The following LTV1 variants were observed in gnomAD, a reference collection of about 807,000 sequenced individuals.
LTV1 encodes the protein protein LTV1 homolog.
LTV1 carries 39 observed loss-of-function variants against 59.9 expected under a neutral mutation model. That is an observed-to-expected ratio of 0.65 (90% CI 0.50 to 0.85). LTV1 has a LOEUF of 0.85. LTV1 is among the 40% of genes least tolerant of loss of function. The probability of loss-of-function intolerance (pLI) is 0.00; values close to 1 mark genes in which losing one functional copy is unlikely to be tolerated. For synonymous variants in LTV1, 171 were observed against 189.5 expected (o/e 0.90, Z 0.80); for missense variants, 493 against 549.1 (o/e 0.90, Z 1.02).
intron 4 of LTV1, among the ~76,000 whole-genome samples, chr6:143,854,190 G>T (rs1582939004): frequency 6.6e-6 from 1 of 152,128 alleles, no homozygotes; most frequent in East Asian, 1.9e-4. Flanking sequence ...GGGTGTATGT[G>T]TCCAGGAATT....
Position 143,855,957 on chromosome 6 carries a change from C to CTCTATGTTTA in LTV1, c.398-1346_398-1345insTCTATGTTTA, listed in dbSNP as rs1777069416. On this transcript the variant is annotated intron_variant, in intron 4 of 10. Transcript: ENST00000367576. This position sits in a 1 kb window ranked among gnomAD's most constrained non-coding sequence, Gnocchi z 4.6. ...CTTCTCGAGGAGTATCTTTGTGGTTCCTGAATTTGAATGTTGGCCTCTCTT... is the reference window on the plus strand; with the variant it reads ...CTTCTCGAGGAGTATCTTTGTGGTTCTCTATGTTTACTGAATTTGAATGTTGGCCTCTCTT... Among the ~76,000 whole-genome samples, 1 of 106,954 alleles carries CTCTATGTTTA rather than the reference C, an allele frequency of 9.3e-6. No individual in the cohort carries two copies. The allele number at this position is 106,954 out of a possible 152,430, so 70.2% of individuals were successfully genotyped here. A position where few individuals can be genotyped will look rare whatever the true frequency, so the allele number is the denominator to read the frequency against.
chr6:143,845,421 T>C (rs1776875669), intron 2 of LTV1, among the ~76,000 whole-genome samples: 1 of 152,184 alleles, frequency 6.6e-6, no homozygotes, highest in African/African-American at 2.4e-5. Flanking sequence ...TTTCCCAGGC[T>C]GGCATGCAAA....
At chr6:143,844,767 A>G in intron 2 of LTV1, 150 bp downstream of exon 2, 2 of 705,140 alleles carry the variant, frequency 2.8e-6, no homozygotes, top group Non-Finnish European at 4.3e-6. Flanking sequence ...GGCCTCCAAA[A>G]GTGCTGGGAT....
Position 143,852,105 on chromosome 6 carries a change from G to A in LTV1, c.397+1887G>A, listed in dbSNP as rs377346662. 5.3e-5 allele frequency among the ~76,000 whole-genome samples: 8 copies of A among 152,200 alleles called. No homozygotes were observed. In the South Asian group the frequency reaches 1.7e-3, roughly 32 times the overall value. ...TATGTACCCAGTAATGGGATTGCTG[G>A]GTCAAATGGTATTTCTGGTTCTAGA... On this transcript the variant is annotated intron_variant, in intron 4 of 10. Coordinates refer to ENST00000367576, the MANE Select transcript of LTV1 (RefSeq NM_032860.5).
chr6:143,851,845 T>A (rs1776987744), intron 4 of LTV1, among the ~76,000 whole-genome samples: 1 of 152,148 alleles, frequency 6.6e-6, no homozygotes. Flanking sequence ...GTTCCTGTGT[T>A]AGTTTGCTGA....
chr6:143,856,608 G>A (rs1777080662), intron 4 of LTV1, among the ~76,000 whole-genome samples: 2 of 152,138 alleles, frequency 1.3e-5, no homozygotes, highest in South Asian at 4.1e-4. Context: ...GTGACCTTTG[G>A]ATGGGGTTTC....
At chr6:143,858,058 T>C (rs571983264) in intron 6 of LTV1, 51 bp downstream of exon 6, 2 of 1,568,192 alleles carry the variant, frequency 1.3e-6, no homozygotes, top group Admixed American at 1.9e-5. Flanking sequence ...GTTAAATTTT[T>C]TTTTTTAATA....
chr6:143,847,212 G>T (rs1776908664), intron 3 of LTV1, among the ~76,000 whole-genome samples: 1 of 152,180 alleles, frequency 6.6e-6, no homozygotes, highest in Admixed American at 6.5e-5. Flanking sequence ...GGCTTTATTG[G>T]TAGTAGGGAC....
intron 6 of LTV1, chr6:143,858,777 G>A (rs1582941904): frequency 6.6e-6 from 1 of 152,492 alleles, no homozygotes; most frequent in Non-Finnish European, 1.5e-5. Context: ...GCGCCTTGCT[G>A]TGTGCCTTGT....
chr6:143,845,345 GA>G (rs143561823), intron 2 of LTV1, among the ~76,000 whole-genome samples: 7,652 of 152,188 alleles, frequency 0.05, 205 homozygotes, highest in South Asian at 0.094. Context: ...GTTGTATGTT[GA>G]GAAGGGTTTT....
Position 143,857,852 on chromosome 6 carries a change from G to T in LTV1, c.640G>T (p.Asp214Tyr), listed in dbSNP as rs1191902164. 2 of 1,614,156 alleles carry T rather than the reference G, an allele frequency of 1.2e-6. No individual in the cohort carries two copies. The highest frequency in any genetic ancestry group is 3.3e-5 in the Admixed American group (2 of 60,022). The change falls in exon 6 of 11, where the codon GAC becomes TAC. Residue 214 changes from aspartate (D) to tyrosine (Y), a missense_variant. By Grantham distance (160) the Asp-to-Tyr change is radical. Transcript: ENST00000367576. This position sits in a 1 kb window ranked among gnomAD's most constrained non-coding sequence, Gnocchi z 5.2. ...YDSAGLLSDE[D>Y]CMSVPGKTHR... Reference sequence around the variant, plus strand: ...CTCTGCAGGCCTATTGTCAGATGAAGACTGTATGTCTGTGCCCGGAAAAAC... The same window carrying T: ...CTCTGCAGGCCTATTGTCAGATGAATACTGTATGTCTGTGCCCGGAAAAAC...
chr6:143,858,015 C>G lies in LTV1; in HGVS notation c.795+8C>G, dbSNP rs745672717. 1.2e-6 allele frequency: 2 copies of G among 1,613,640 alleles called. No individual in the cohort carries two copies. The highest frequency in any genetic ancestry group is 8.5e-7 in the Non-Finnish European group (1 of 1,179,870). On this transcript the variant is annotated splice_region_variant and intron_variant, in intron 6 of 10. Transcript: ENST00000367576. The stretch of plus-strand genomic sequence containing the variant: ...GATGAGAGGTTTGAGAAGGTAAGGT[C>G]CCCACATAAGGGATGCTTTAGTACT...
intron 3 of LTV1, among the ~76,000 whole-genome samples, chr6:143,849,735 C>T (rs1327770441): frequency 6.6e-6 from 1 of 152,166 alleles, no homozygotes; most frequent in African/African-American, 2.4e-5. Flanking sequence ...TTTCTTCCTT[C>T]ATGGTTCTGG....
Position 143,863,215 on chromosome 6 carries a change from C to G in LTV1, c.1246C>G (p.Gln416Glu). The change falls in exon 10 of 11, where the codon CAG (glutamine) becomes GAG (glutamate). Residue 416 changes from glutamine to glutamate, a missense_variant. Gln to Glu is a conservative substitution (Grantham distance 29). Coordinates refer to ENST00000367576, the MANE Select transcript of LTV1 (RefSeq NM_032860.5). This position sits in a 1 kb window ranked among gnomAD's most constrained non-coding sequence, Gnocchi z 4.5. ...CAGTGATCTTCCTAAAGTATCAACT[C>G]AGCCACGTTCTAAAAATGAAAGCAA... ...NGSDLPKVSTQPRSKNESKED... is the reference protein window; with the variant it reads ...NGSDLPKVSTEPRSKNESKED... 1 of 1,613,992 alleles carries G rather than the reference C, an allele frequency of 6.2e-7. No homozygotes were observed. Among genetic ancestry groups the G allele is most frequent in the South Asian group, 1.1e-5 (1 of 91,070 alleles).
At chr6:143,858,064 T>G in intron 6 of LTV1, 57 bp downstream of exon 6, 3 of 1,529,680 alleles carry the variant, frequency 2.0e-6, no homozygotes, top group Non-Finnish European at 2.7e-6. Context: ...TTTTTTTTTT[T>G]AATACCTGTC....
At chr6:143,860,328 T>C (rs1271834607) in intron 6 of LTV1, 98 bp from the exon 7 acceptor site, 15 of 947,646 alleles carry the variant, frequency 1.6e-5, no homozygotes, top group Admixed American at 2.3e-5. Flanking sequence ...TGAATAACTA[T>C]TGTGTAAGAA....
intron 2 of LTV1, among the ~76,000 whole-genome samples, chr6:143,845,524 C>T (rs556852705): frequency 2.0e-5 from 3 of 152,248 alleles, no homozygotes; most frequent in East Asian, 1.9e-4. Flanking sequence ...TACAGGCACA[C>T]GCCACCTGGC....
Position 143,862,907 on chromosome 6 carries a change from G to C in LTV1, c.1116+11G>C, listed in dbSNP as rs949171945. The C allele has an allele frequency of 6.3e-7, 1 of 1,588,340 alleles. No homozygotes were observed. Among genetic ancestry groups the C allele is most frequent in the African/African-American group, 1.3e-5 (1 of 74,392 alleles). ...AAGTATCAACCAAAGGTAAGTCCTA[G>C]TGTGCTGAGCTATTTGAAGGATGCA... On this transcript the variant is annotated intron_variant, in intron 9 of 10. Transcript: ENST00000367576. The surrounding 1 kb of genome is among the most constrained non-coding windows in gnomAD (Gnocchi z 4.2).
Position 143,843,438 on chromosome 6 carries a change from T to A in LTV1, c.-40T>A. ...TCCCCGCCGGACTTCGAGGGTGTCATCGCCGCCCCTGTTGGGGGTGAGCGC... is the reference window on the plus strand; with the variant it reads ...TCCCCGCCGGACTTCGAGGGTGTCAACGCCGCCCCTGTTGGGGGTGAGCGC... On this transcript the variant is annotated 5_prime_UTR_variant, in exon 1 of 11. Transcript: ENST00000367576. The A allele has an allele frequency of 6.2e-7, 1 of 1,612,450 alleles. No homozygotes were observed.
Sources: gnomAD v4.1 joint callset for allele counts (sites outside exome capture counted in the v4.1 genomes callset) on GRCh38, gnomAD v4.1.1 for gene constraint, Gnocchi (gnomAD v3.1) non-coding constraint, MANE v1.5 for transcripts, NCBI Gene and HGNC (gene_info 2026-07-23, HGNC 2026-07-21) for gene names.